Variants in TREH observed in about 807,000 individuals in gnomAD.
TREH encodes trehalase, also known as alpha,alpha-trehalose glucohydrolase.
Under a neutral mutation model 80.5 loss-of-function variants are expected in TREH, and 69 were observed. That is an observed-to-expected ratio of 0.86 (90% confidence interval 0.71 to 1.05). The LOEUF is 1.05. Ranked by LOEUF, TREH falls within the 50% of genes least tolerant of loss-of-function variation. The pLI is 0.00. For missense variants in TREH, 716 were observed against 718.8 expected (o/e 1.00, Z 0.04); for synonymous variants, 309 against 293.5 (o/e 1.05, Z -0.54).
intron 1 of TREH, among the ~76,000 whole-genome samples, chr11:118,668,644 C>A (rs1336773694): frequency 5.8e-5 from 8 of 138,572 alleles, no homozygotes; most frequent in African/African-American, 2.1e-4. Flanking sequence ...TTAAAATGTT[C>A]AAATGTTCAT....
chr11:118,662,722 G>T (rs1395500364), intron 4 of TREH, 159 bp downstream of exon 4: 4 of 745,770 alleles, frequency 5.4e-6, no homozygotes, highest in Non-Finnish European at 8.7e-6. Context: ...GACCTCAGAA[G>T]TTCTTTCTAG....
At position 118,660,935 on chromosome 11, in the gene TREH, G is replaced by A. The variant is rs544343788; in HGVS notation, c.858-20C>T. On this transcript the variant is annotated intron_variant, in intron 8 of 14. Coordinates refer to ENST00000264029, the MANE Select transcript of TREH (RefSeq NM_007180.3). ...TCAGGCCTGGCAAAGAGGAGAGGTG[G>A]GCAGCCTGGCACTAGTAGCTACTAA... 42 of 1,565,364 alleles carry A rather than the reference G, an allele frequency of 2.7e-5. No individual in the cohort carries two copies. The South Asian group carries it at 4.5e-4, about 17-fold the overall frequency.
intron 1 of TREH, among the ~76,000 whole-genome samples, chr11:118,667,784 C>G (rs2137275377): frequency 6.6e-6 from 1 of 152,292 alleles, no homozygotes; most frequent in East Asian, 1.9e-4. Flanking sequence ...AGAAAAGGCT[C>G]TAAGGGAGAT....
intron 12 of TREH, 140 bp from the exon 13 acceptor site, chr11:118,659,157 T>C: frequency 1.0e-6 from 1 of 982,610 alleles, no homozygotes; most frequent in Non-Finnish European, 1.5e-6. Flanking sequence ...CAAACTGCCC[T>C]TAATCGACGG....
rs782362029 is a variant in TREH at position 118,658,724 on chromosome 11, T to C, written c.1555A>G (p.Ser519Gly). 8.7e-6 allele frequency: 14 copies of C among 1,606,530 alleles called. No individual in the cohort carries two copies. Among genetic ancestry groups the C allele is most frequent in the African/African-American group, 2.7e-5 (2 of 74,728 alleles). Residue 519 changes from serine (S) to glycine (G), a missense_variant, in exon 14 of 15, where the codon AGC (serine) becomes GGC (glycine). Transcript: ENST00000264029. The stretch of plus-strand genomic sequence containing the variant: ...CCCCCACCGGGCTGTCCACCGTTGC[T>C]GACGTCATACTGGGGACAAGCGGGT... ...KSAMYEKYDV[S>G]NGGQPGGGGE...
In TREH at chr11:118,662,778, G is replaced by A. The variant is rs1473672658; in HGVS notation, c.423+103C>T. On this transcript the variant is annotated intron_variant, in intron 4 of 14. Coordinates refer to ENST00000264029, the MANE Select transcript of TREH (RefSeq NM_007180.3). Reference sequence around the variant, plus strand: ...CAGGGGCCAGGGACTGGTTTCTCAGGAAAGGAAACCTGATCTGTGCTCCGA... The same window carrying A: ...CAGGGGCCAGGGACTGGTTTCTCAGAAAAGGAAACCTGATCTGTGCTCCGA... 4 of 1,372,722 alleles carry A rather than the reference G, an allele frequency of 2.9e-6. No homozygotes were observed. The African/African-American group carries it at 5.8e-5, about 20-fold the overall frequency. 85.0% of individuals were successfully genotyped at this position (1,372,722 alleles called of 1,614,324 possible).
At chr11:118,660,367 C>T (rs781936030) in intron 10 of TREH, among the ~76,000 whole-genome samples, 172 bp downstream of exon 10, 1 of 152,142 alleles carries the variant, frequency 6.6e-6, no homozygotes, top group Middle Eastern at 3.2e-3. Context: ...GGGTTGGCTC[C>T]GTTTGTTCTC....
At chr11:118,658,641 G>T (rs1219034766) in intron 14 of TREH, 39 bp downstream of exon 14, 3 of 1,559,280 alleles carry the variant, frequency 1.9e-6, no homozygotes, top group Non-Finnish European at 2.6e-6. Flanking sequence ...GAGTTCAGGA[G>T]TTCCCTGGTG....
intron 1 of TREH, among the ~76,000 whole-genome samples, chr11:118,677,939 C>T (rs1555147014): frequency 1.3e-5 from 2 of 152,172 alleles, no homozygotes; most frequent in African/African-American, 2.4e-5. Context: ...ATCCCAGGTA[C>T]ACTTTTCCCC....
At chr11:118,662,718 A>C (rs1012125443) in intron 4 of TREH, 163 bp downstream of exon 4, 3 of 722,800 alleles carry the variant, frequency 4.2e-6, no homozygotes, top group Non-Finnish European at 6.8e-6. Flanking sequence ...TTCTGACCTC[A>C]GAAGTTCTTT....
intron 1 of TREH, among the ~76,000 whole-genome samples, chr11:118,666,191 C>A (rs543741680): frequency 5.3e-5 from 8 of 152,022 alleles, no homozygotes; most frequent in Non-Finnish European, 1.0e-4. Context: ...CGGTATTGCA[C>A]CGCTGCACTG....
Position 118,658,177 on chromosome 11 carries a change from G to T in TREH, c.*112C>A, listed in dbSNP as rs7479362. 3.5e-6 allele frequency: 5 copies of T among 1,424,170 alleles called. No homozygotes were observed. The highest frequency in any genetic ancestry group is 2.8e-5 in the South Asian group (2 of 71,906). The allele number at this position is 1,424,170 out of a possible 1,614,324, so 88.2% of individuals were successfully genotyped here. A position where few individuals can be genotyped will look rare whatever the true frequency, so the allele number is the denominator to read the frequency against. Reference sequence around the variant, plus strand: ...AGGTCGTGACCCTGCCCTCCACTTCGCTCTGAGGACAGGCTGGGAGGTAGG... The same window carrying T: ...AGGTCGTGACCCTGCCCTCCACTTCTCTCTGAGGACAGGCTGGGAGGTAGG... On this transcript the variant is annotated 3_prime_UTR_variant, in exon 15 of 15. Coordinates refer to ENST00000264029, the MANE Select transcript of TREH (RefSeq NM_007180.3).
Position 118,660,852 on chromosome 11 carries a change from C to A in TREH, c.907+14G>T. 1 of 1,563,066 alleles carries A rather than the reference C, an allele frequency of 6.4e-7. No individual in the cohort carries two copies. The highest frequency in any genetic ancestry group is 2.4e-5 in the East Asian group (1 of 41,866). On this transcript the variant is annotated intron_variant, in intron 9 of 14. Coordinates refer to ENST00000264029, the MANE Select transcript of TREH (RefSeq NM_007180.3). ...GCCCTGCCCCCAGCCCTCCCTCACC[C>A]TCCTGCTGCTCACCTTCTGGCAAGG...
rs971844697 is a variant in TREH at position 118,661,579 on chromosome 11, C to G, written c.617+58G>C. 4.5e-5 allele frequency: 72 copies of G among 1,612,854 alleles called. No homozygotes were observed. The highest frequency in any genetic ancestry group is 5.5e-5 in the Non-Finnish European group (65 of 1,179,098). ...GGCACCAAGGCAATCCAGCTGCATG[C>G]CCGTGGCACACCTGCCTCTCCTCCC... On this transcript the variant is annotated intron_variant, in intron 6 of 14. Transcript: ENST00000264029. The surrounding 1 kb of genome is among the most constrained non-coding windows in gnomAD (Gnocchi z 4.2).
At chr11:118,675,401 G>A (rs1443316637) in intron 1 of TREH, among the ~76,000 whole-genome samples, 1 of 152,188 alleles carries the variant, frequency 6.6e-6, no homozygotes, top group Non-Finnish European at 1.5e-5. Context: ...CACAAGTTCA[G>A]GGGTCCCCAG....
intron 1 of TREH, among the ~76,000 whole-genome samples, chr11:118,678,233 T>A (rs1173230050): frequency 6.6e-6 from 1 of 152,170 alleles, no homozygotes. Context: ...ACAATTCTGC[T>A]TACACATCAC....
rs1466970250 is a variant in TREH at position 118,674,235 on chromosome 11, G to A, written c.89+5304C>T. 6.6e-6 allele frequency among the ~76,000 whole-genome samples: 1 copy of A among 152,174 alleles called. No homozygotes were observed. Among genetic ancestry groups the A allele is most frequent in the Non-Finnish European group, 1.5e-5 (1 of 68,034 alleles). On this transcript the variant is annotated intron_variant, in intron 1 of 14. Transcript: ENST00000264029. The surrounding 1 kb of genome is among the most constrained non-coding windows in gnomAD (Gnocchi z 4.4). ...CAAGCTAATAATTACCTCTCACATG[G>A]AAATTATCTAGTCCAAAGTCTCAGC...
At chr11:118,667,385 T>C (rs1949387764) in intron 1 of TREH, among the ~76,000 whole-genome samples, 1 of 152,158 alleles carries the variant, frequency 6.6e-6, no homozygotes, top group African/African-American at 2.4e-5. Context: ...TCTCAATATG[T>C]TGCCCAGGCT....
chr11:118,663,791 G>A (rs782383067), intron 1 of TREH, among the ~76,000 whole-genome samples: 6 of 151,732 alleles, frequency 4.0e-5, no homozygotes, highest in African/African-American at 7.3e-5. Flanking sequence ...AGACTCGATC[G>A]GAAGGGCTTA....
Sources: allele counts gnomAD v4.1 joint callset (sites outside exome capture counted in the v4.1 genomes callset), GRCh38; gene constraint gnomAD v4.1.1; non-coding constraint Gnocchi (gnomAD v3.1); transcripts MANE v1.5; gene names NCBI Gene and HGNC (gene_info 2026-07-23, HGNC 2026-07-21).